The following GRXCR1 variants were observed in gnomAD, a reference collection of about 807,000 sequenced individuals.
GRXCR1 encodes glutaredoxin domain-containing cysteine-rich protein 1.
A neutral mutation model predicts 27.3 loss-of-function variants in GRXCR1; 27 were observed. The observed-to-expected ratio is 0.99, with a 90% confidence interval of 0.73 to 1.37. GRXCR1 has a LOEUF of 1.37. GRXCR1 is among the 40% of genes most tolerant of loss of function. The pLI, the probability that GRXCR1 is intolerant of heterozygous loss-of-function variation, is 0.00. For synonymous variants in GRXCR1, 122 were observed against 131.1 expected, an observed-to-expected ratio of 0.93 and a Z score of 0.47; for missense variants, 379 against 354.4, an observed-to-expected ratio of 1.07 and a Z score of -0.56.
intron 1 of GRXCR1, among the ~76,000 whole-genome samples, chr4:42,907,452 C>A (rs1746621596): frequency 6.6e-6 from 1 of 152,154 alleles, no homozygotes; most frequent in Non-Finnish European, 1.5e-5. Context: ...ATTTTAGACA[C>A]CTCTCCTCTT....
At chr4:42,942,029 G>A (rs955213134) in intron 1 of GRXCR1, among the ~76,000 whole-genome samples, 9 of 152,144 alleles carry the variant, frequency 5.9e-5, no homozygotes, top group African/African-American at 2.2e-4. Context: ...GTTTGTGAGA[G>A]TTTCAATTCA....
intron 2 of GRXCR1, among the ~76,000 whole-genome samples, chr4:42,969,948 T>G (rs1172902398): frequency 6.6e-6 from 1 of 152,120 alleles, no homozygotes; most frequent in African/African-American, 2.4e-5. Flanking sequence ...AGTTAGTTAC[T>G]TCTAAGATAC....
chr4:42,987,555 T>C (rs1374066623), intron 2 of GRXCR1, among the ~76,000 whole-genome samples: 2 of 152,018 alleles, frequency 1.3e-5, no homozygotes, highest in Non-Finnish European at 2.9e-5. Flanking sequence ...AGTGTTAGGA[T>C]CCACCACCTG....
At position 43,002,055 on chromosome 4, in the gene GRXCR1, G is replaced by T. The variant is rs537960661; in HGVS notation, c.628-18299G>T. On this transcript the variant is annotated intron_variant, in intron 2 of 3. Transcript: ENST00000399770. ...AAACATGTCTCGCCTCCCACCATAG[G>T]GCGGTTTTTCTCCTATCTCAGAATC... Among the ~76,000 whole-genome samples the T allele has an allele frequency of 2.6e-5, 4 of 152,318 alleles. No individual in the cohort carries two copies. In the East Asian group the frequency reaches 7.7e-4, roughly 29 times the overall value.
At chr4:42,908,152 T>G (rs1490025493) in intron 1 of GRXCR1, among the ~76,000 whole-genome samples, 2 of 152,172 alleles carry the variant, frequency 1.3e-5, no homozygotes, top group East Asian at 3.9e-4. Context: ...CAGTGTTCCT[T>G]CCTGTTTGTA....
chr4:42,967,934 C>T (rs894349823), intron 2 of GRXCR1, among the ~76,000 whole-genome samples: 7 of 152,236 alleles, frequency 4.6e-5, no homozygotes, highest in Admixed American at 4.6e-4. Context: ...CTGTTGGGAA[C>T]AGGTACTATT....
chr4:43,011,201 C>T (rs528685058), intron 2 of GRXCR1, among the ~76,000 whole-genome samples: 8 of 152,278 alleles, frequency 5.3e-5, no homozygotes, highest in South Asian at 4.1e-4. Flanking sequence ...AATTTATTGT[C>T]GATCGTGCTG....
chr4:43,002,490 CCTGGCTGGGTCAAA>C (rs1477658555), intron 2 of GRXCR1, among the ~76,000 whole-genome samples: 1 of 151,942 alleles, frequency 6.6e-6, no homozygotes, highest in Admixed American at 6.6e-5. Context: ...TTTGTGAACT[CCTGGCTGGGTCAAA>C]GTGGCTGGGG....
intron 1 of GRXCR1, among the ~76,000 whole-genome samples, chr4:42,910,064 C>T (rs367962295): frequency 2.0e-5 from 3 of 152,068 alleles, no homozygotes; most frequent in Non-Finnish European, 4.4e-5. Context: ...ACAATCATAG[C>T]AGAAGGAGAA....
At chr4:42,920,779 T>C (rs1746990789) in intron 1 of GRXCR1, among the ~76,000 whole-genome samples, 1 of 152,164 alleles carries the variant, frequency 6.6e-6, no homozygotes, top group Non-Finnish European at 1.5e-5. Context: ...TCTCATTTCC[T>C]ACACTGAGCC....
chr4:42,924,398 A>G (rs779730552), intron 1 of GRXCR1, among the ~76,000 whole-genome samples: 1 of 152,080 alleles, frequency 6.6e-6, no homozygotes, highest in African/African-American at 2.4e-5. Context: ...CACTCAAAGT[A>G]TCTCTGCAGG....
chr4:42,918,003 C>T (rs577258611), intron 1 of GRXCR1, among the ~76,000 whole-genome samples: 1 of 152,084 alleles, frequency 6.6e-6, no homozygotes, highest in South Asian at 2.1e-4. Flanking sequence ...TATATTGAAA[C>T]TGAAATATAT....
intron 1 of GRXCR1, among the ~76,000 whole-genome samples, chr4:42,957,821 T>G (rs1385543014): frequency 1.3e-5 from 2 of 151,878 alleles, no homozygotes; most frequent in Non-Finnish European, 2.9e-5. Flanking sequence ...TCTGATAGAA[T>G]TCTGAATTCC....
rs1421712680 is a variant in GRXCR1 at position 42,963,114 on chromosome 4, A to G, written c.607A>G (p.Ile203Val). 1.9e-6 allele frequency: 3 copies of G among 1,612,704 alleles called. No individual in the cohort carries two copies. Among genetic ancestry groups the G allele is most frequent in the South Asian group, 1.1e-5 (1 of 91,056 alleles). ...SEAPSLPVVF[I>V]DGHYLGGAEK... The stretch of plus-strand genomic sequence containing the variant: ...AGCTCCTTCCCTCCCTGTTGTGTTC[A>G]TTGATGGCCATTACCTTGGGGTAAG... The change falls in exon 2 of 4, where the codon ATT becomes GTT. Residue 203 changes from isoleucine to valine, a missense_variant. Transcript: ENST00000399770.
At chr4:42,998,498 G>A (rs563735678) in intron 2 of GRXCR1, among the ~76,000 whole-genome samples, 1 of 152,246 alleles carries the variant, frequency 6.6e-6, no homozygotes, top group South Asian at 2.1e-4. Context: ...TCACAAAAAC[G>A]CAAGTGAAAG....
At chr4:43,000,776 G>T (rs1305929754) in intron 2 of GRXCR1, among the ~76,000 whole-genome samples, 1 of 152,054 alleles carries the variant, frequency 6.6e-6, no homozygotes, top group African/African-American at 2.4e-5. Context: ...AGAGAAGGGA[G>T]CACTACTGTA....
At position 42,893,046 on chromosome 4, in the gene GRXCR1, G is replaced by A. The variant is rs111263137; in HGVS notation, c.-221G>A. On this transcript the variant is annotated 5_prime_UTR_variant, in exon 1 of 4. Coordinates refer to ENST00000399770, the MANE Select transcript of GRXCR1 (RefSeq NM_001080476.3). ...TATTTAAAGGCTGAGATCATTTTGC[G>A]GGTTTTAGTTTAAAGGTAACCATAG... Among the ~76,000 whole-genome samples the A allele has an allele frequency of 2.6e-4, 40 of 152,010 alleles. No homozygotes were observed. Among genetic ancestry groups the A allele is most frequent in the African/African-American group, 8.2e-4 (34 of 41,376 alleles).
chr4:42,946,989 G>A (rs751424387), intron 1 of GRXCR1, among the ~76,000 whole-genome samples: 56 of 152,232 alleles, frequency 3.7e-4, no homozygotes, highest in Non-Finnish European at 5.9e-4. Flanking sequence ...ACAACCCACC[G>A]AATGGAGAGT....
At chr4:42,950,899 G>A (rs887579072) in intron 1 of GRXCR1, among the ~76,000 whole-genome samples, 3 of 151,832 alleles carry the variant, frequency 2.0e-5, no homozygotes, top group Non-Finnish European at 4.4e-5. Flanking sequence ...ATGTCTATAT[G>A]TCTATATTTA....
Sources: allele counts gnomAD v4.1 joint callset (sites outside exome capture counted in the v4.1 genomes callset), GRCh38; gene constraint gnomAD v4.1.1; transcripts MANE v1.5; gene names NCBI Gene and HGNC (gene_info 2026-07-23, HGNC 2026-07-21).